NET1: variants seen among roughly 807,000 people sequenced by gnomAD.
The protein encoded by NET1 is neuroepithelial cell-transforming gene 1 protein.
NET1 carries 42 observed loss-of-function variants against 61.1 expected under a neutral mutation model. The ratio of observed to expected loss-of-function variants is 0.69; its 90% CI spans 0.54 to 0.89. NET1 has a LOEUF of 0.89. Ranked by LOEUF, NET1 falls within the 40% of genes least tolerant of loss-of-function variation. NET1 has a pLI of 0.00. For missense variants in NET1, 654 were observed against 747.3 expected, an observed-to-expected ratio of 0.88 and a Z score of 1.46; for synonymous variants, 254 against 281.8, an observed-to-expected ratio of 0.90 and a Z score of 0.99.
rs183574420 is a variant in NET1, at chr10:5,426,046, G to A, written c.129-609G>A. On this transcript the variant is annotated intron_variant, in intron 1 of 11. Coordinates refer to ENST00000355029, the MANE Select transcript of NET1 (RefSeq NM_001047160.3). This position sits in a 1 kb window ranked among gnomAD's most constrained non-coding sequence, Gnocchi z 4.6. ...CTTTCTTGCTTTATGTGTTTACATT[G>A]AATGGAAAAGAAACACAGAAAAATC... Among the ~76,000 whole-genome samples, 245 of 152,184 alleles carry A rather than the reference G, an allele frequency of 1.6e-3. 1 individual carries two copies. Among genetic ancestry groups the A allele is most frequent in the African/African-American group, 5.6e-3 (234 of 41,548 alleles).
Position 5,453,302 on chromosome 10 carries a change from C to T in NET1, c.647C>T (p.Thr216Ile), listed in dbSNP as rs1832738484. 6.2e-7 allele frequency: 1 copy of T among 1,613,118 alleles called. No individual in the cohort carries two copies. Among genetic ancestry groups the T allele is most frequent in the Non-Finnish European group, 8.5e-7 (1 of 1,179,086 alleles). The change falls in exon 7 of 12, where the codon ACA (threonine) becomes ATA (isoleucine). Residue 216 changes from threonine to isoleucine, a missense_variant. Transcript: ENST00000355029. The surrounding 1 kb of genome is among the most constrained non-coding windows in gnomAD (Gnocchi z 4.9). ...KLSIMSEEEL[T>I]HIFGDLDSYI... ...TCCATCATGTCAGAAGAGGAACTCA[C>T]ACATATATTTGGTGATCTGGACTCT...
chr10:5,438,774 T>G (rs1457034238), intron 3 of NET1, among the ~76,000 whole-genome samples: 1 of 152,144 alleles, frequency 6.6e-6, no homozygotes, highest in Non-Finnish European at 1.5e-5. Flanking sequence ...AAGCCAACAC[T>G]ACAAGAAAAG....
At position 5,454,180 on chromosome 10, in the gene NET1, C is replaced by A; in HGVS notation, c.769-85C>A. On this transcript the variant is annotated intron_variant, in intron 8 of 11. Transcript: ENST00000355029. The surrounding 1 kb of genome is among the most constrained non-coding windows in gnomAD (Gnocchi z 8.1). ...GTTAAAACTCTCAAGAATAGCTGTACATTTTGTGTTTCATGTTTGCAGGCT... is the reference window on the plus strand; with the variant it reads ...GTTAAAACTCTCAAGAATAGCTGTAAATTTTGTGTTTCATGTTTGCAGGCT... The A allele has an allele frequency of 7.4e-7, 1 of 1,352,886 alleles. No individual in the cohort carries two copies. The highest frequency in any genetic ancestry group is 1.0e-6 in the Non-Finnish European group (1 of 986,524). 83.8% of individuals were successfully genotyped at this position (1,352,886 alleles called of 1,614,324 possible).
At position 5,446,629 on chromosome 10, in the gene NET1, G is replaced by C; in HGVS notation, c.256-5201G>C. 10 of 1,272,192 alleles carry C rather than the reference G, an allele frequency of 7.9e-6. No homozygotes were observed. The highest frequency in any genetic ancestry group is 9.9e-6 in the Non-Finnish European group (10 of 1,005,410). The allele number at this position is 1,272,192 out of a possible 1,614,324, so 78.8% of individuals were successfully genotyped here. On this transcript the variant is annotated intron_variant, in intron 3 of 11. Coordinates refer to ENST00000355029, the MANE Select transcript of NET1 (RefSeq NM_001047160.3). The surrounding 1 kb of genome is among the most constrained non-coding windows in gnomAD (Gnocchi z 5.0). ...CTCTCAGAAGCCTCTGCTCCACCGC[G>C]GCGAGAGGCATGGGCACGTGGCTGC...
rs1564462247 is a variant in NET1, at chr10:5,435,191, T to C, written c.255+5962T>C. Among the ~76,000 whole-genome samples the C allele has an allele frequency of 6.6e-6, 1 of 152,136 alleles. No individual in the cohort carries two copies. The highest frequency in any genetic ancestry group is 1.5e-5 in the Non-Finnish European group (1 of 68,028). Reference sequence around the variant, plus strand: ...ACCTATTCCAGACCAATTCCATATATGAATGGAGGAATAGGGGAGGAAATG... The same window carrying C: ...ACCTATTCCAGACCAATTCCATATACGAATGGAGGAATAGGGGAGGAAATG... On this transcript the variant is annotated intron_variant, in intron 3 of 11. Transcript: ENST00000355029. This position sits in a 1 kb window ranked among gnomAD's most constrained non-coding sequence, Gnocchi z 5.0.
intron 3 of NET1, among the ~76,000 whole-genome samples, chr10:5,436,250 T>TATATA (rs1564462840): frequency 2.0e-3 from 17 of 8,534 alleles, no homozygotes; most frequent in Non-Finnish European, 3.1e-3. Context: ...ATATATATAT[T>TATATA]TTTTTTTTTT....
rs1306206476 is a variant in NET1 at position 5,441,670 on chromosome 10, G to A, written c.256-10160G>A. Among the ~76,000 whole-genome samples the A allele has an allele frequency of 6.6e-6, 1 of 152,184 alleles. No homozygotes were observed. The highest frequency in any genetic ancestry group is 1.5e-5 in the Non-Finnish European group (1 of 68,042). ...AGCCTATGAGACTATTTTATTTAAA[G>A]TGTGTCTAATAATACTTAATTGGTC... On this transcript the variant is annotated intron_variant, in intron 3 of 11. Coordinates refer to ENST00000355029, the MANE Select transcript of NET1 (RefSeq NM_001047160.3). This position sits in a 1 kb window ranked among gnomAD's most constrained non-coding sequence, Gnocchi z 4.6.
rs747257931 is a variant in NET1 at position 5,452,999 on chromosome 10, C to G, written c.594+79C>G. The G allele has an allele frequency of 4.0e-5, 41 of 1,035,072 alleles. No homozygotes were observed. Among genetic ancestry groups the G allele is most frequent in the Admixed American group, 3.8e-4 (20 of 53,226 alleles). 64.1% of individuals were successfully genotyped at this position (1,035,072 alleles called of 1,614,324 possible). A position where few individuals can be genotyped will look rare whatever the true frequency, so the allele number is the denominator to read the frequency against. ...AAAATCTAAAGGATAGTTTTCTTAACCTTTAGAAGTAGAAGAATAGAAAAT... is the reference window on the plus strand; with the variant it reads ...AAAATCTAAAGGATAGTTTTCTTAAGCTTTAGAAGTAGAAGAATAGAAAAT... On this transcript the variant is annotated intron_variant, in intron 6 of 11. Coordinates refer to ENST00000355029, the MANE Select transcript of NET1 (RefSeq NM_001047160.3). This position sits in a 1 kb window ranked among gnomAD's most constrained non-coding sequence, Gnocchi z 4.0.
intron 3 of NET1, among the ~76,000 whole-genome samples, chr10:5,445,348 C>T (rs1354620209): frequency 6.6e-6 from 1 of 152,228 alleles, no homozygotes. Flanking sequence ...TCTTCCAGAA[C>T]TCCTGTAGCA....
At chr10:5,433,482 G>C (rs781064782) in intron 3 of NET1, among the ~76,000 whole-genome samples, 28 of 152,332 alleles carry the variant, frequency 1.8e-4, no homozygotes, top group Non-Finnish European at 3.4e-4. Context: ...CCCTGGAGTT[G>C]AGTAGATTCT....
intron 3 of NET1, among the ~76,000 whole-genome samples, chr10:5,436,252 T>A (rs369255867): frequency 0.061 from 1,072 of 17,534 alleles, 5 homozygotes; most frequent in Non-Finnish European, 0.085. Context: ...ATATATATTT[T>A]TTTTTTTTTT....
intron 2 of NET1, among the ~76,000 whole-genome samples, chr10:5,428,031 G>A (rs1832284764): frequency 7.7e-6 from 1 of 129,376 alleles, no homozygotes; most frequent in South Asian, 2.5e-4. Flanking sequence ...TCTGGACTTT[G>A]CCGTTCCTTT....
Position 5,452,704 on chromosome 10 carries a change from C to A in NET1, c.532-154C>A. ...TAGGGTAAACTTACCAAACATACGGCAACCTTGTATTTGAGATTCCATTCT... is the reference window on the plus strand; with the variant it reads ...TAGGGTAAACTTACCAAACATACGGAAACCTTGTATTTGAGATTCCATTCT... On this transcript the variant is annotated intron_variant, in intron 5 of 11. Transcript: ENST00000355029. The surrounding 1 kb of genome is among the most constrained non-coding windows in gnomAD (Gnocchi z 4.0). 1.1e-6 allele frequency: 1 copy of A among 915,534 alleles called. No individual in the cohort carries two copies. Among genetic ancestry groups the A allele is most frequent in the Non-Finnish European group, 1.6e-6 (1 of 607,666 alleles). 56.7% of individuals were successfully genotyped at this position (915,534 alleles called of 1,614,324 possible).
Position 5,455,208 on chromosome 10 carries a change from A to G in NET1, c.1197+90A>G. ...TGTTATGAAGCAGGCTTGTAAAGGGAAAGTCATGACATAGTAAAAGAAGGT... is the reference window on the plus strand; with the variant it reads ...TGTTATGAAGCAGGCTTGTAAAGGGGAAGTCATGACATAGTAAAAGAAGGT... On this transcript the variant is annotated intron_variant, in intron 10 of 11. Coordinates refer to ENST00000355029, the MANE Select transcript of NET1 (RefSeq NM_001047160.3). The surrounding 1 kb of genome is among the most constrained non-coding windows in gnomAD (Gnocchi z 6.5). 1 of 1,294,550 alleles carries G rather than the reference A, an allele frequency of 7.7e-7. No individual in the cohort carries two copies. The highest frequency in any genetic ancestry group is 1.1e-6 in the Non-Finnish European group (1 of 911,362). The allele number at this position is 1,294,550 out of a possible 1,614,324, so 80.2% of individuals were successfully genotyped here.
Position 5,452,266 on chromosome 10 carries a change from T to C in NET1, c.364-92T>C. The C allele has an allele frequency of 2.6e-6, 3 of 1,148,846 alleles. No homozygotes were observed. Among genetic ancestry groups the C allele is most frequent in the Non-Finnish European group, 3.5e-6 (3 of 856,866 alleles). 71.2% of individuals were successfully genotyped at this position (1,148,846 alleles called of 1,614,324 possible). A position where few individuals can be genotyped will look rare whatever the true frequency, so the allele number is the denominator to read the frequency against. Reference sequence around the variant, plus strand: ...CTGCATTGAGAAATTCTCAGAACTTTGTCTTTCTTCACTTTAAAAAAAAAG... The same window carrying C: ...CTGCATTGAGAAATTCTCAGAACTTCGTCTTTCTTCACTTTAAAAAAAAAG... On this transcript the variant is annotated intron_variant, in intron 4 of 11. Coordinates refer to ENST00000355029, the MANE Select transcript of NET1 (RefSeq NM_001047160.3). This position sits in a 1 kb window ranked among gnomAD's most constrained non-coding sequence, Gnocchi z 4.0.
chr10:5,444,017 C>T lies in NET1; in HGVS notation c.256-7813C>T, dbSNP rs1433105721. ...AACTGATGAAGCTAACTGAACCAGA[C>T]TGCTGGGGTCTAGCCTAGGCTGTTC... On this transcript the variant is annotated intron_variant, in intron 3 of 11. Coordinates refer to ENST00000355029, the MANE Select transcript of NET1 (RefSeq NM_001047160.3). The surrounding 1 kb of genome is among the most constrained non-coding windows in gnomAD (Gnocchi z 5.3). Among the ~76,000 whole-genome samples, 2 of 152,214 alleles carry T rather than the reference C, an allele frequency of 1.3e-5. No homozygotes were observed. Among genetic ancestry groups the T allele is most frequent in the Non-Finnish European group, 2.9e-5 (2 of 68,050 alleles).
intron 3 of NET1, among the ~76,000 whole-genome samples, chr10:5,448,923 A>G (rs11814472): frequency 0.014 from 2,113 of 152,124 alleles, 57 homozygotes; most frequent in African/African-American, 0.048. Context: ...TGTGACTGCA[A>G]ATATTTAGGT....
rs1832054747 is a variant in NET1, at chr10:5,414,978, C to CA, written c.128+2159dup. ...CACAGGCAGCATGAGGAGAGTGAGA[C>CA]ACAGTTAGAAGAACCATGGAGAGAA... is the stretch of plus-strand genomic sequence containing the variant. On this transcript the variant is annotated intron_variant, in intron 1 of 11. Coordinates refer to ENST00000355029, the MANE Select transcript of NET1 (RefSeq NM_001047160.3). Among the ~76,000 whole-genome samples, 5 of 152,226 alleles carry CA rather than the reference C, an allele frequency of 3.3e-5. No individual in the cohort carries two copies. The South Asian group carries it at 1.0e-3, about 32-fold the overall frequency.
chr10:5,412,755 T>C lies in NET1; in HGVS notation c.63T>C (p.Ser21=). ...CGCGGAGGCGAAGCCGCCGGGCCTC[T>C]GGGCTCAGCACGGAGGGAGCGACGG... ...PRPRRRSRRA[S]GLSTEGATGP... Residue 21 remains serine, a synonymous_variant, in exon 1 of 12, where the codon TCT becomes TCC. Transcript: ENST00000355029. This position sits in a 1 kb window ranked among gnomAD's most constrained non-coding sequence, Gnocchi z 6.5. 6.7e-7 allele frequency: 1 copy of C among 1,482,864 alleles called. No individual in the cohort carries two copies. The highest frequency in any genetic ancestry group is 1.3e-5 in the South Asian group (1 of 77,496). The allele number at this position is 1,482,864 out of a possible 1,614,324, so 91.9% of individuals were successfully genotyped here. A position where few individuals can be genotyped will look rare whatever the true frequency, so the allele number is the denominator to read the frequency against.
Sources: gnomAD v4.1 joint callset for allele counts (sites outside exome capture counted in the v4.1 genomes callset) on GRCh38, gnomAD v4.1.1 for gene constraint, Gnocchi (gnomAD v3.1) non-coding constraint, MANE v1.5 for transcripts, NCBI Gene and HGNC (gene_info 2026-07-23, HGNC 2026-07-21) for gene names.